Variants in UNC80 observed in about 807,000 individuals in gnomAD.
UNC80 encodes the protein protein unc-80 homolog.
UNC80 carries 164 observed loss-of-function variants against 384.6 expected under a neutral mutation model. The observed-to-expected ratio is 0.43, with a 90% CI of 0.38 to 0.49. The LOEUF (loss-of-function observed/expected upper bound fraction) is 0.49, where lower values mean the gene tolerates loss of function less well. Ranked by LOEUF, UNC80 falls within the 20% of genes least tolerant of loss-of-function variation. UNC80 has a pLI of 0.00. For synonymous variants in UNC80, 1,486 were observed against 1,527.8 expected (o/e 0.97, Z 0.64); for missense variants, 3,330 against 4,143.0 (o/e 0.80, Z 5.39).
chr2:209,926,765 G>A, intron 35 of UNC80, 78 bp from the exon 36 acceptor site: 1 of 1,508,954 alleles, frequency 6.6e-7, no homozygotes. Flanking sequence ...GACAGAGTGA[G>A]ACCCTATCTC....
intron 13 of UNC80, among the ~76,000 whole-genome samples, chr2:209,824,128 T>C (rs1401184253): frequency 6.6e-6 from 1 of 152,172 alleles, no homozygotes; most frequent in Non-Finnish European, 1.5e-5. Flanking sequence ...TATGCAAATA[T>C]TCGAAAATCT....
intron 28 of UNC80, among the ~76,000 whole-genome samples, chr2:209,903,839 C>A (rs1190917409): frequency 6.6e-6 from 1 of 151,380 alleles, no homozygotes; most frequent in African/African-American, 2.4e-5. Context: ...CACATGGCTG[C>A]AATCAACATA....
intron 44 of UNC80, 133 bp downstream of exon 44, chr2:209,941,622 A>G: frequency 9.4e-7 from 1 of 1,065,502 alleles, no homozygotes; most frequent in Non-Finnish European, 1.3e-6. Flanking sequence ...GAAGGCAACA[A>G]ATGAAATCCC....
At position 209,839,125 on chromosome 2, in the gene UNC80, G is replaced by A; in HGVS notation, c.3042-97G>A. On this transcript the variant is annotated intron_variant, in intron 18 of 64. Coordinates refer to ENST00000673920, the MANE Select transcript of UNC80 (RefSeq NM_001371986.1). This position sits in a 1 kb window ranked among gnomAD's most constrained non-coding sequence, Gnocchi z 4.1. ...CAGCCCATCAAAGATCATTTTGCATGATTTGCCTAAATATCATTGACAGGA... is the reference window on the plus strand; with the variant it reads ...CAGCCCATCAAAGATCATTTTGCATAATTTGCCTAAATATCATTGACAGGA... The A allele has an allele frequency of 8.9e-7, 1 of 1,125,878 alleles. No homozygotes were observed. The highest frequency in any genetic ancestry group is 1.3e-6 in the Non-Finnish European group (1 of 791,704). The allele number at this position is 1,125,878 out of a possible 1,614,324, so 69.7% of individuals were successfully genotyped here. A position where few individuals can be genotyped will look rare whatever the true frequency, so the allele number is the denominator to read the frequency against.
At position 209,813,614 on chromosome 2, in the gene UNC80, C is replaced by G; in HGVS notation, c.973C>G (p.Arg325Gly). The G allele has an allele frequency of 6.4e-7, 1 of 1,551,814 alleles. No homozygotes were observed. Residue 325 changes from arginine (R) to glycine (G), a missense_variant, in exon 8 of 65, where the codon CGC (arginine) becomes GGC (glycine). Physicochemically the swap from Arg to Gly is moderately radical, Grantham distance 125. This residue lies in a region of UNC80 where 937 missense variants were observed against 1,026.8 expected (regional missense o/e 0.91). Transcript: ENST00000673920. ...SLVIPPCQRS[R>G]YATYFDVAVL... is the part of the protein sequence containing the mutation. ...TGTGATACCTCCGTGCCAAAGGTCC[C>G]GCTATGCCACCTACTTTGACGTTGC...
At chr2:209,943,609 A>G (rs938072987) in intron 45 of UNC80, 95 bp downstream of exon 45, 6 of 1,423,238 alleles carry the variant, frequency 4.2e-6, no homozygotes, top group Non-Finnish European at 5.7e-6. Context: ...GGAGTTGGCT[A>G]CCATCACTTG....
rs964939185 is a variant in UNC80 at position 209,945,280 on chromosome 2, A to ATG, written c.7189+99_7189+100dup. The ATG allele has an allele frequency of 7.2e-5, 92 of 1,277,290 alleles. No homozygotes were observed. The African/African-American group carries it at 1.2e-3, about 17-fold the overall frequency. 79.1% of individuals were successfully genotyped at this position (1,277,290 alleles called of 1,614,324 possible). ...TATACACACATACACGTATATTTATATGTGTGTGTATATATAACTAAATCA... is the reference window on the plus strand; with the variant it reads ...TATACACACATACACGTATATTTATATGTGTGTGTGTATATATAACTAAATCA... On this transcript the variant is annotated intron_variant, in intron 46 of 64. Coordinates refer to ENST00000673920, the MANE Select transcript of UNC80 (RefSeq NM_001371986.1).
At position 209,909,100 on chromosome 2, in the gene UNC80, ATTTG is replaced by A. The variant is rs377557607; in HGVS notation, c.4783-3456_4783-3453del. 3.5e-3 allele frequency among the ~76,000 whole-genome samples: 525 copies of A among 152,062 alleles called. 3 individuals are homozygous for A. The highest frequency in any genetic ancestry group is 0.012 in the African/African-American group (496 of 41,464). On this transcript the variant is annotated intron_variant, in intron 29 of 64. Coordinates refer to ENST00000673920, the MANE Select transcript of UNC80 (RefSeq NM_001371986.1). ...CCTTTTCTATTTATCTTGACTTTTC[ATTTG>A]TTTACTTGTTTGTCATCTGTCTTTC...
chr2:209,879,571 T>C (rs1048150421), intron 24 of UNC80, among the ~76,000 whole-genome samples: 2 of 152,100 alleles, frequency 1.3e-5, no homozygotes, highest in Non-Finnish European at 2.9e-5. Flanking sequence ...ACCTTAGGAG[T>C]GAAACGGCAG....
intron 46 of UNC80, among the ~76,000 whole-genome samples, chr2:209,945,528 A>G (rs1185768898): frequency 6.6e-6 from 1 of 152,172 alleles, no homozygotes; most frequent in Non-Finnish European, 1.5e-5. Flanking sequence ...TTATCATGGA[A>G]TGTGTAGAAC....
chr2:209,818,064 T>A (rs1350005379), intron 11 of UNC80, 112 bp downstream of exon 11: 12 of 1,339,628 alleles, frequency 9.0e-6, no homozygotes, highest in Non-Finnish European at 1.1e-5. Context: ...TTCTGAAAAC[T>A]GGCATTCTTG....
At position 209,937,591 on chromosome 2, in the gene UNC80, T is replaced by C; in HGVS notation, c.6426T>C (p.His2142=). The change falls in exon 42 of 65, where the codon CAT becomes CAC. Residue 2142 remains histidine (H), a synonymous_variant. Coordinates refer to ENST00000673920, the MANE Select transcript of UNC80 (RefSeq NM_001371986.1). ...TATCTCCCCAGCTGAATCTTGTACA[T>C]ATGCATCCAGAGAAGGGACAGGAGC... ...RSVSPQLNLV[H]MHPEKGQELI... is the part of the protein sequence containing the mutation. 1 of 1,551,934 alleles carries C rather than the reference T, an allele frequency of 6.4e-7. No individual in the cohort carries two copies. The highest frequency in any genetic ancestry group is 8.7e-7 in the Non-Finnish European group (1 of 1,146,912).
intron 24 of UNC80, among the ~76,000 whole-genome samples, chr2:209,878,423 C>G (rs1477663887): frequency 6.6e-6 from 1 of 152,076 alleles, no homozygotes; most frequent in Non-Finnish European, 1.5e-5. Context: ...AATTTACTGT[C>G]CTAGAAGAGA....
At chr2:209,985,091 T>G (rs2093257908) in intron 61 of UNC80, among the ~76,000 whole-genome samples, 179 bp downstream of exon 61, 1 of 152,174 alleles carries the variant, frequency 6.6e-6, no homozygotes, top group South Asian at 2.1e-4. Flanking sequence ...TAGCAAACCC[T>G]CCTTCATTTT....
At chr2:209,951,297 TTC>T (rs945507057) in intron 47 of UNC80, among the ~76,000 whole-genome samples, 211 of 118,016 alleles carry the variant, frequency 1.8e-3, no homozygotes, top group African/African-American at 0.01. Context: ...TCCTTTTTTT[TTC>T]TCTCTCTCTC....
chr2:209,881,401 G>A (rs553842649), intron 25 of UNC80, among the ~76,000 whole-genome samples: 4 of 152,124 alleles, frequency 2.6e-5, no homozygotes, highest in African/African-American at 9.6e-5. Context: ...GAAAATATGA[G>A]GAGTTTTATG....
intron 36 of UNC80, 35 bp from the exon 37 acceptor site, chr2:209,929,836 A>G: frequency 7.0e-7 from 1 of 1,430,972 alleles, no homozygotes; most frequent in East Asian, 2.6e-5. Context: ...TAACTCCATT[A>G]AAGACAAATG....
chr2:209,935,072 A>C (rs2091154272), intron 39 of UNC80, among the ~76,000 whole-genome samples: 2 of 152,178 alleles, frequency 1.3e-5, no homozygotes, highest in South Asian at 4.1e-4. Flanking sequence ...TTTCAAGTAC[A>C]TGTTTTGGTT....
chr2:209,795,349 T>A (rs1410381169), intron 7 of UNC80: 1 of 152,234 alleles, frequency 6.6e-6, no homozygotes, highest in Non-Finnish European at 1.5e-5. Flanking sequence ...GCATTCAGTT[T>A]TAAAAGGGAA....
Sources: allele counts gnomAD v4.1 joint callset (sites outside exome capture counted in the v4.1 genomes callset), GRCh38; gene constraint gnomAD v4.1.1; regional missense constraint gnomAD v4.1.1; non-coding constraint Gnocchi (gnomAD v3.1); transcripts MANE v1.5; gene names NCBI Gene and HGNC (gene_info 2026-07-23, HGNC 2026-07-21).